Variants in PDK1 observed in about 807,000 individuals in gnomAD.
PDK1 encodes [Pyruvate dehydrogenase (acetyl-transferring)] kinase isozyme 1, mitochondrial.
PDK1 carries 39 observed loss-of-function variants against 54.2 expected under a neutral mutation model. The ratio of observed to expected loss-of-function variants is 0.72; its 90% confidence interval spans 0.56 to 0.94. The LOEUF is 0.94. Ranked by LOEUF, PDK1 falls within the 40% of genes least tolerant of loss-of-function variation. The pLI is 0.00. For missense variants in PDK1, 552 were observed against 566.0 expected (o/e 0.98, Z 0.25); for synonymous variants, 221 against 207.1 (o/e 1.07, Z -0.58).
At chr2:172,687,298 C>T in the PDK1 span, among the ~76,000 whole-genome samples, 1 of 151,860 alleles carries the variant, frequency 6.6e-6, no homozygotes, top group East Asian at 1.9e-4. Context: ...TGTCTTTCCT[C>T]ATTTTCCTAT....
chr2:172,662,232 A>G, the PDK1 span, among the ~76,000 whole-genome samples: 24 of 152,228 alleles, frequency 1.6e-4, no homozygotes, highest in Non-Finnish European at 2.9e-4. Flanking sequence ...CAAAGATACA[A>G]TTATAAGATA....
rs1307753587 is a variant in PDK1 at position 172,599,590 on chromosome 2, C to G, written c.*3621C>G. The G allele has an allele frequency of 6.6e-6, 1 of 152,092 alleles. No homozygotes were observed. The highest frequency in any genetic ancestry group is 1.5e-5 in the Non-Finnish European group (1 of 68,014). The allele number at this position is 152,092 out of a possible 1,614,324, so 9.4% of individuals were successfully genotyped here. A position where few individuals can be genotyped will look rare whatever the true frequency, so the allele number is the denominator to read the frequency against. On this transcript the variant is annotated 3_prime_UTR_variant, in exon 11 of 11. Transcript: ENST00000282077. The stretch of plus-strand genomic sequence containing the variant: ...TTTTCTTACAGTCAAACCCAATGCA[C>G]TTGAAAAATAATATAATTAATACTG...
intron 7 of PDK1, 78 bp downstream of exon 7, chr2:172,568,895 A>C: frequency 1.2e-6 from 1 of 815,214 alleles, no homozygotes; most frequent in South Asian, 1.4e-5. Context: ...CAAATATTCC[A>C]CTAGGTTCTC....
the PDK1 span, among the ~76,000 whole-genome samples, chr2:172,615,020 A>T: frequency 1.3e-5 from 2 of 152,162 alleles, no homozygotes; most frequent in African/African-American, 2.4e-5. Flanking sequence ...TCTTGGACAT[A>T]ACTTTGCCTG....
At chr2:172,710,509 A>G in the PDK1 span, among the ~76,000 whole-genome samples, 2 of 152,210 alleles carry the variant, frequency 1.3e-5, no homozygotes, top group African/African-American at 4.8e-5. Context: ...CCTTATACAT[A>G]TACAAAGTTT....
chr2:172,671,212 C>T, the PDK1 span, among the ~76,000 whole-genome samples: 3 of 151,162 alleles, frequency 2.0e-5, no homozygotes, highest in East Asian at 5.8e-4. Flanking sequence ...TTTGCGTCAT[C>T]CTAGTCTTTG....
At chr2:172,556,069 C>T (rs1318283833), upstream of PDK1, 3 of 1,093,928 alleles carry the variant, frequency 2.7e-6, no homozygotes, top group Non-Finnish European at 3.6e-6. Flanking sequence ...CCCCTGCTGC[C>T]CGCCACGTCC....
At chr2:172,558,645 C>A (rs753577875) in intron 1 of PDK1, 63 bp from the exon 2 acceptor site, 6 of 1,408,498 alleles carry the variant, frequency 4.3e-6, no homozygotes, top group African/African-American at 2.9e-5. Flanking sequence ...TTTCTCTCAG[C>A]CTCTTGCCTT....
chr2:172,610,880 G>T (rs1475134208), downstream of PDK1, among the ~76,000 whole-genome samples: 1 of 152,196 alleles, frequency 6.6e-6, no homozygotes, highest in African/African-American at 2.4e-5. Flanking sequence ...CATAGTGGCT[G>T]GGATTACAGG....
chr2:172,610,074 A>T (rs909677054), downstream of PDK1, among the ~76,000 whole-genome samples: 4 of 152,106 alleles, frequency 2.6e-5, no homozygotes, highest in Non-Finnish European at 4.4e-5. Flanking sequence ...TGCCTGCCTC[A>T]GCCTCCCAAG....
At chr2:172,716,855 G>A in the PDK1 span, among the ~76,000 whole-genome samples, 49,034 of 152,014 alleles carry the variant, frequency 0.32, 8,554 homozygotes, top group Non-Finnish European at 0.41. Context: ...ATATTTTCAT[G>A]TTGCTAAGAA....
the PDK1 span, among the ~76,000 whole-genome samples, chr2:172,626,225 A>G: frequency 6.6e-6 from 1 of 152,200 alleles, no homozygotes; most frequent in Non-Finnish European, 1.5e-5. Context: ...CTGAAATGTA[A>G]GTAGTTAAAA....
chr2:172,590,482 T>G (rs1690504467), intron 9 of PDK1, among the ~76,000 whole-genome samples: 1 of 152,170 alleles, frequency 6.6e-6, no homozygotes, highest in Non-Finnish European at 1.5e-5. Context: ...GCCACAGACC[T>G]TCGCAGTGAG....
chr2:172,703,766 CTTTTTTTTTT>C, the PDK1 span, among the ~76,000 whole-genome samples: 7 of 89,118 alleles, frequency 7.9e-5, no homozygotes, highest in Admixed American at 2.6e-4. Context: ...TTCTTTCTTT[CTTTTTTTTTT>C]TTTTTTTTTT....
chr2:172,566,451 G>C (rs1338911493), intron 5 of PDK1, among the ~76,000 whole-genome samples: 1 of 152,168 alleles, frequency 6.6e-6, no homozygotes, highest in Non-Finnish European at 1.5e-5. Context: ...CAGCTACTTG[G>C]GAGGCTGAGG....
At chr2:172,685,343 C>T in the PDK1 span, among the ~76,000 whole-genome samples, 1 of 152,196 alleles carries the variant, frequency 6.6e-6, no homozygotes. Context: ...ATCTTATCAT[C>T]TCACTTCCAT....
the PDK1 span, among the ~76,000 whole-genome samples, chr2:172,627,038 A>G: frequency 1.3e-5 from 2 of 152,212 alleles, no homozygotes; most frequent in African/African-American, 4.8e-5. Context: ...AGGGGAGAGA[A>G]TGAGAATCTG....
intron 8 of PDK1, among the ~76,000 whole-genome samples, chr2:172,573,251 T>C (rs1220001171): frequency 1.3e-5 from 2 of 152,180 alleles, no homozygotes; most frequent in African/African-American, 2.4e-5. Flanking sequence ...TTGTCAACAA[T>C]TGTAGTCTGT....
At chr2:172,674,351 GA>G in the PDK1 span, 1 of 152,424 alleles carries the variant, frequency 6.6e-6, no homozygotes, top group African/African-American at 2.4e-5. Flanking sequence ...TGGGGCTCGG[GA>G]CTGCTCTCTG....
Sources: allele counts gnomAD v4.1 joint callset (sites outside exome capture counted in the v4.1 genomes callset), GRCh38; gene constraint gnomAD v4.1.1; transcripts MANE v1.5; gene names NCBI Gene and HGNC (gene_info 2026-07-23, HGNC 2026-07-21).